Variants in C4orf54 observed in about 807,000 individuals in gnomAD.
C4orf54 encodes the protein uncharacterized protein C4orf54.
A neutral mutation model predicts 80.1 loss-of-function variants in C4orf54; 67 were observed. The ratio of observed to expected loss-of-function variants is 0.84; its 90% CI spans 0.69 to 1.03. The LOEUF (loss-of-function observed/expected upper bound fraction) is 1.03, where lower values mean the gene tolerates loss of function less well. C4orf54 is among the 50% of genes least tolerant of loss of function. The pLI, the probability that C4orf54 is intolerant of heterozygous loss-of-function variation, is 0.00. For synonymous variants in C4orf54, 1,000 were observed against 917.0 expected, an observed-to-expected ratio of 1.09 and a Z score of -1.64; for missense variants, 2,434 against 2,253.5, an observed-to-expected ratio of 1.08 and a Z score of -1.62.
chr4:99,649,084 TA>T, intron 2 of C4orf54, 146 bp downstream of exon 2: 1 of 826,654 alleles, frequency 1.2e-6, no homozygotes, highest in Non-Finnish European at 1.8e-6. Context: ...ATCCCCTTTG[TA>T]AATTGGATGC....
Position 99,652,344 on chromosome 4 carries a change from C to T in C4orf54, c.2305G>A (p.Gly769Ser). 2.0e-6 allele frequency: 3 copies of T among 1,535,976 alleles called. No individual in the cohort carries two copies. Among genetic ancestry groups the T allele is most frequent in the African/African-American group, 1.4e-5 (1 of 73,134 alleles). Residue 769 changes from glycine (G) to serine (S), a missense_variant, in exon 2 of 3, where the codon GGC becomes AGC. By Grantham distance (56) the Gly-to-Ser change is moderately conservative (BLOSUM62 0). Coordinates refer to ENST00000511828, the MANE Select transcript of C4orf54 (RefSeq NM_001354435.2). Reference sequence around the variant, plus strand: ...TTGCCGGGGCCTTTGGTGGCCCTGCCGGGCCCAGGGGCCGAGCTGGCTTTG... The same window carrying T: ...TTGCCGGGGCCTTTGGTGGCCCTGCTGGGCCCAGGGGCCGAGCTGGCTTTG... ...ESKASSAPGPGRATKGPGKGP... is the reference protein window; with the variant it reads ...ESKASSAPGPSRATKGPGKGP...
Position 99,652,344 on chromosome 4 carries a change from C to G in C4orf54, c.2305G>C (p.Gly769Arg), listed in dbSNP as rs375438214. Residue 769 changes from glycine (G) to arginine (R), a missense_variant, in exon 2 of 3, where the codon GGC (glycine) becomes CGC (arginine). By Grantham distance (125) the Gly-to-Arg change is moderately radical (BLOSUM62 -2). Transcript: ENST00000511828. Reference sequence around the variant, plus strand: ...TTGCCGGGGCCTTTGGTGGCCCTGCCGGGCCCAGGGGCCGAGCTGGCTTTG... The same window carrying G: ...TTGCCGGGGCCTTTGGTGGCCCTGCGGGGCCCAGGGGCCGAGCTGGCTTTG... ...ESKASSAPGP[G>R]RATKGPGKGP... 177 of 1,535,976 alleles carry G rather than the reference C, an allele frequency of 1.2e-4. No individual in the cohort carries two copies. In the African/African-American group the frequency reaches 2.1e-3, roughly 18 times the overall value.
rs1445979808 is a variant in C4orf54 at position 99,650,713 on chromosome 4, C to A, written c.3936G>T (p.Leu1312=). The A allele has an allele frequency of 6.5e-7, 1 of 1,536,170 alleles. No individual in the cohort carries two copies. Among genetic ancestry groups the A allele is most frequent in the Non-Finnish European group, 8.7e-7 (1 of 1,146,926 alleles). Residue 1312 remains leucine (L), a synonymous_variant, in exon 2 of 3, where the codon CTG becomes CTT. Coordinates refer to ENST00000511828, the MANE Select transcript of C4orf54 (RefSeq NM_001354435.2). ...CTTCCACCTCACCCAGCCGTTTGGACAGCTTGTCGTGGTCTCCATCAGCAA... is the reference window on the plus strand; with the variant it reads ...CTTCCACCTCACCCAGCCGTTTGGAAAGCTTGTCGTGGTCTCCATCAGCAA... The part of the protein sequence containing the change: ...VVVADGDHDK[L]SKRLGEVEER...
intron 2 of C4orf54, among the ~76,000 whole-genome samples, chr4:99,642,235 G>A (rs550333140): frequency 7.9e-4 from 121 of 152,228 alleles, no homozygotes; most frequent in Non-Finnish European, 1.4e-3. Context: ...GCAGCAATAC[G>A]AAAAGAAAAT....
chr4:99,654,108 G>A lies in C4orf54; in HGVS notation c.541C>T (p.Leu181Phe). ...TGGGAGGAGGCTGAAGGCTTGGGAA[G>A]TGGCCACAGCTGCTGCTTGAGCTCC... is the stretch of plus-strand genomic sequence containing the variant. ...SQELKQQLWP[L>F]PKPSASSQRE... is the part of the protein sequence containing the mutation. The change falls in exon 2 of 3, where the codon CTT (leucine) becomes TTT (phenylalanine). Residue 181 changes from leucine (L) to phenylalanine (F), a missense_variant. Coordinates refer to ENST00000511828, the MANE Select transcript of C4orf54 (RefSeq NM_001354435.2). 6.5e-7 allele frequency: 1 copy of A among 1,536,182 alleles called. No individual in the cohort carries two copies. The highest frequency in any genetic ancestry group is 8.7e-7 in the Non-Finnish European group (1 of 1,146,928).
chr4:99,655,341 C>A (rs1398473312), intron 1 of C4orf54, among the ~76,000 whole-genome samples: 2 of 152,190 alleles, frequency 1.3e-5, no homozygotes, highest in Non-Finnish European at 2.9e-5. Context: ...TACTTCAAAT[C>A]CCTACAGTGC....
chr4:99,653,908 A>G lies in C4orf54; in HGVS notation c.741T>C (p.Pro247=). The change falls in exon 2 of 3, where the codon CCT becomes CCC. Residue 247 remains proline, a synonymous_variant. Coordinates refer to ENST00000511828, the MANE Select transcript of C4orf54 (RefSeq NM_001354435.2). ...GGGATCTAGAGAGTTGGGAGGAGGC[A>G]GGATTGTTCTGGGGGCTTGGAGTCT... The part of the protein sequence containing the change: ...SSKTPSPQNN[P]ASSQLSRSQH... 2.6e-6 allele frequency: 4 copies of G among 1,536,238 alleles called. No individual in the cohort carries two copies. In the South Asian group the frequency reaches 4.8e-5, roughly 18 times the overall value.
At chr4:99,641,298 T>C (rs1054529565) in intron 2 of C4orf54, 102 bp from the exon 3 acceptor site, 1 of 152,150 alleles carries the variant, frequency 6.6e-6, no homozygotes, top group Non-Finnish European at 1.5e-5. Flanking sequence ...TAAAATACAT[T>C]TTATTTAACT....
At chr4:99,645,655 C>A (rs1726689727) in intron 2 of C4orf54, among the ~76,000 whole-genome samples, 1 of 151,928 alleles carries the variant, frequency 6.6e-6, no homozygotes, top group Non-Finnish European at 1.5e-5. Flanking sequence ...TAGCCATGTT[C>A]CTCAAATAAC....
chr4:99,649,346 G>C lies in C4orf54; in HGVS notation c.5303C>G (p.Ser1768Trp). Residue 1768 changes from serine to tryptophan, a missense_variant, in exon 2 of 3, where the codon TCG (serine) becomes TGG (tryptophan). Coordinates refer to ENST00000511828, the MANE Select transcript of C4orf54 (RefSeq NM_001354435.2). The part of the protein sequence containing the change: ...LHGKPVISIT[S>W]QPLGPRIIAP... ...AATGATCCGTGGCCCCAGGGGCTGCGAAGTAATGCTGATGACAGGCTTGCC... is the reference window on the plus strand; with the variant it reads ...AATGATCCGTGGCCCCAGGGGCTGCCAAGTAATGCTGATGACAGGCTTGCC... 1 of 1,536,136 alleles carries C rather than the reference G, an allele frequency of 6.5e-7. No homozygotes were observed. Among genetic ancestry groups the C allele is most frequent in the Non-Finnish European group, 8.7e-7 (1 of 1,146,912 alleles).
In C4orf54 at chr4:99,646,231, T is replaced by C. The variant is rs548580170; in HGVS notation, c.*36+3000A>G. Among the ~76,000 whole-genome samples the C allele has an allele frequency of 2.5e-3, 378 of 152,264 alleles. 1 individual carries two copies. The highest frequency in any genetic ancestry group is 8.3e-3 in the African/African-American group (345 of 41,540). Reference sequence around the variant, plus strand: ...CAGTTCTTGAACACTTGTTTTGCAGTTTTGTGTGTACAAGTCTACACTCCT... The same window carrying C: ...CAGTTCTTGAACACTTGTTTTGCAGCTTTGTGTGTACAAGTCTACACTCCT... On this transcript the variant is annotated intron_variant, in intron 2 of 2. Coordinates refer to ENST00000511828, the MANE Select transcript of C4orf54 (RefSeq NM_001354435.2).
rs147500494 is a variant in C4orf54 at position 99,637,981 on chromosome 4, G to C, written c.*3252C>G. 6.6e-6 allele frequency: 1 copy of C among 152,124 alleles called. No individual in the cohort carries two copies. Among genetic ancestry groups the C allele is most frequent in the African/African-American group, 2.4e-5 (1 of 41,430 alleles). 9.4% of individuals were successfully genotyped at this position (152,124 alleles called of 1,614,324 possible). On this transcript the variant is annotated 3_prime_UTR_variant, in exon 3 of 3. Coordinates refer to ENST00000511828, the MANE Select transcript of C4orf54 (RefSeq NM_001354435.2). ...CAAAGTATTATTTCAGGTAACGTGA[G>C]CATTCAATTTGTAGCAAACACAGAC...
In C4orf54 at chr4:99,639,108, C is replaced by A. The variant is rs1349807060; in HGVS notation, c.*2125G>T. ...ACATTTTCTAGAGAAGGAGTTGTCT[C>A]TCTTTTGGAAGAGTTGGTGAGCAGT... On this transcript the variant is annotated 3_prime_UTR_variant, in exon 3 of 3. Transcript: ENST00000511828. 6.6e-6 allele frequency: 1 copy of A among 152,118 alleles called. No individual in the cohort carries two copies. Among genetic ancestry groups the A allele is most frequent in the Non-Finnish European group, 1.5e-5 (1 of 67,996 alleles). 9.4% of individuals were successfully genotyped at this position (152,118 alleles called of 1,614,324 possible).
Position 99,652,919 on chromosome 4 carries a change from T to A in C4orf54, c.1730A>T (p.Gln577Leu), listed in dbSNP as rs929491888. ...LKQNPAAAVA[Q>L]DHAKKFIAVP... is the part of the protein sequence containing the mutation. ...AGCAATGAATTTCTTTGCATGGTCCTGAGCCACTGCTGCAGCCGGGTTTTG... is the reference window on the plus strand; with the variant it reads ...AGCAATGAATTTCTTTGCATGGTCCAGAGCCACTGCTGCAGCCGGGTTTTG... Residue 577 changes from glutamine (Q) to leucine (L), a missense_variant, in exon 2 of 3, where the codon CAG (glutamine) becomes CTG (leucine). Physicochemically the swap from Gln to Leu is moderately radical, Grantham distance 113 (BLOSUM62 -2). Coordinates refer to ENST00000511828, the MANE Select transcript of C4orf54 (RefSeq NM_001354435.2). The A allele has an allele frequency of 1.4e-5, 22 of 1,536,060 alleles. No individual in the cohort carries two copies. Among genetic ancestry groups the A allele is most frequent in the Non-Finnish European group, 1.9e-5 (22 of 1,146,920 alleles).
rs1327620562 is a variant in C4orf54 at position 99,653,189 on chromosome 4, G to A, written c.1460C>T (p.Thr487Ile). 6.5e-7 allele frequency: 1 copy of A among 1,535,932 alleles called. No individual in the cohort carries two copies. The highest frequency in any genetic ancestry group is 8.7e-7 in the Non-Finnish European group (1 of 1,146,774). Residue 487 changes from threonine (T) to isoleucine (I), a missense_variant, in exon 2 of 3, where the codon ACT (threonine) becomes ATT (isoleucine). Thr to Ile is a moderately conservative substitution (Grantham distance 89, BLOSUM62 -1). Transcript: ENST00000511828. ...AGGCAAGGGCTCAGTCAGGGGGGCAGTGCCAGGCCCAGTGGGTGGGGGAGT... is the reference window on the plus strand; with the variant it reads ...AGGCAAGGGCTCAGTCAGGGGGGCAATGCCAGGCCCAGTGGGTGGGGGAGT... Reference protein sequence around the residue: ...GPTPPPTGPGTAPLTEPLPET... With the variant: ...GPTPPPTGPGIAPLTEPLPET...
Position 99,640,442 on chromosome 4 carries a change from A to G in C4orf54, c.*791T>C, listed in dbSNP as rs1220097170. 3 of 152,200 alleles carry G rather than the reference A, an allele frequency of 2.0e-5. No individual in the cohort carries two copies. Among genetic ancestry groups the G allele is most frequent in the African/African-American group, 7.2e-5 (3 of 41,472 alleles). 9.4% of individuals were successfully genotyped at this position (152,200 alleles called of 1,614,324 possible). A position where few individuals can be genotyped will look rare whatever the true frequency, so the allele number is the denominator to read the frequency against. ...GTTATGCACCCACAAAAATAATTGG[A>G]TTCTTAAAGGAAAATAGATATTTTA... On this transcript the variant is annotated 3_prime_UTR_variant, in exon 3 of 3. Transcript: ENST00000511828.
At chr4:99,646,612 C>T (rs973143208) in intron 2 of C4orf54, among the ~76,000 whole-genome samples, 9 of 152,174 alleles carry the variant, frequency 5.9e-5, no homozygotes, top group Non-Finnish European at 8.8e-5. Context: ...TCCTGGTTCT[C>T]TCATTCTCTG....
rs1726517217 is a variant in C4orf54 at position 99,637,090 on chromosome 4, C to G, written c.*4143G>C. 6.6e-6 allele frequency: 1 copy of G among 152,036 alleles called. No homozygotes were observed. Among genetic ancestry groups the G allele is most frequent in the Admixed American group, 6.6e-5 (1 of 15,262 alleles). 9.4% of individuals were successfully genotyped at this position (152,036 alleles called of 1,614,324 possible). ...AAGTGGGGATAAAAAAAAGCATCAC[C>G]TGCTATGGATACAGGTATGGTAGAT... On this transcript the variant is annotated 3_prime_UTR_variant, in exon 3 of 3. Transcript: ENST00000511828.
rs566015466 is a variant in C4orf54, at chr4:99,651,117, C to T, written c.3532G>A (p.Gly1178Ser). The T allele has an allele frequency of 7.8e-6, 12 of 1,536,150 alleles. No homozygotes were observed. In the African/African-American group the frequency reaches 1.6e-4, roughly 21 times the overall value. Residue 1178 changes from glycine (G) to serine (S), a missense_variant, in exon 2 of 3, where the codon GGC becomes AGC. Coordinates refer to ENST00000511828, the MANE Select transcript of C4orf54 (RefSeq NM_001354435.2). ...GAAGAATTCAAGACTCTGCTGCCGCCCCCTTTGCCCATGCTTTCCCTGGGC... is the reference window on the plus strand; with the variant it reads ...GAAGAATTCAAGACTCTGCTGCCGCTCCCTTTGCCCATGCTTTCCCTGGGC... ...REPRESMGKG[G>S]GSRVLNSSSP...
Sources: gnomAD v4.1 joint callset for allele counts (sites outside exome capture counted in the v4.1 genomes callset) on GRCh38, gnomAD v4.1.1 for gene constraint, MANE v1.5 for transcripts, NCBI Gene and HGNC (gene_info 2026-07-23, HGNC 2026-07-21) for gene names.